The following ARHGAP9 variants were observed in gnomAD, a reference collection of about 807,000 sequenced individuals.
ARHGAP9 encodes the protein rho GTPase-activating protein 9.
ARHGAP9 carries 76 observed loss-of-function variants against 87.3 expected under a neutral mutation model. The observed-to-expected ratio is 0.87, with a 90% CI of 0.72 to 1.05. The LOEUF (loss-of-function observed/expected upper bound fraction) is 1.05, where lower values mean the gene tolerates loss of function less well. Among genes scored for constraint, ARHGAP9 ranks in the 50% least tolerant of loss-of-function variants. The probability of loss-of-function intolerance (pLI) is 0.00; values close to 1 mark genes in which losing one functional copy is unlikely to be tolerated. For synonymous variants in ARHGAP9, 382 were observed against 394.9 expected (o/e 0.97, Z 0.39); for missense variants, 941 against 960.5 (o/e 0.98, Z 0.27).
At chr12:57,488,448 T>C in intron 1 of ARHGAP9, 1 of 971,476 alleles carries the variant, frequency 1.0e-6, no homozygotes, top group Non-Finnish European at 1.5e-6. Flanking sequence ...GGTCCCCGCC[T>C]CACCCCAGTA....
At position 57,476,970 on chromosome 12, in the gene ARHGAP9, G is replaced by A; in HGVS notation, c.871-7C>T. 2 of 1,611,252 alleles carry A rather than the reference G, an allele frequency of 1.2e-6. No individual in the cohort carries two copies. Among genetic ancestry groups the A allele is most frequent in the Non-Finnish European group, 1.7e-6 (2 of 1,178,582 alleles). On this transcript the variant is annotated splice_region_variant and splice_polypyrimidine_tract_variant and intron_variant, in intron 5 of 17. Transcript: ENST00000393791. The stretch of plus-strand genomic sequence containing the variant: ...GGCTGAGGCTGAGTGAACCCTAGGG[G>A]AGAGGATTGGAGAAACAGGTGGGGA...
intron 15 of ARHGAP9, 90 bp downstream of exon 15, chr12:57,474,333 C>T: frequency 6.3e-7 from 1 of 1,583,008 alleles, no homozygotes; most frequent in African/African-American, 1.3e-5. Flanking sequence ...TGAGGACAAC[C>T]CTCCCAGGAA....
At position 57,476,928 on chromosome 12, in the gene ARHGAP9, A is replaced by C; in HGVS notation, c.906T>G (p.Leu302=). The C allele has an allele frequency of 6.2e-7, 1 of 1,613,834 alleles. No homozygotes were observed. Among genetic ancestry groups the C allele is most frequent in the Non-Finnish European group, 8.5e-7 (1 of 1,179,914 alleles). The change falls in exon 6 of 18, where the codon CTT becomes CTG. Residue 302 remains leucine, a synonymous_variant. Transcript: ENST00000393791. ...GAGGGGCCTGCAAGGCTGGAGGGTC[A>C]AGCTGCGAGGTGCGTTGGCTGAGGC... The part of the protein sequence containing the change: ...SLSLSQRTSQ[L]DPPALQAPRP...
At chr12:57,476,478 A>G (rs756447879) in intron 7 of ARHGAP9, 24 bp from the exon 8 acceptor site, 1 of 1,613,518 alleles carries the variant, frequency 6.2e-7, no homozygotes, top group Admixed American at 1.7e-5. Flanking sequence ...GAGGGGAGGT[A>G]GTGGTAGCGA....
intron 13 of ARHGAP9, 40 bp downstream of exon 13, chr12:57,474,835 G>C: frequency 1.9e-6 from 3 of 1,612,342 alleles, no homozygotes; most frequent in Non-Finnish European, 2.5e-6. Flanking sequence ...CTAGGCCTTA[G>C]CCTGTTGGAA....
At chr12:57,477,861 C>A in intron 3 of ARHGAP9, 181 bp from the exon 4 acceptor site, 2 of 1,426,770 alleles carry the variant, frequency 1.4e-6, no homozygotes, top group Non-Finnish European at 1.8e-6. Context: ...AAAATTCTCT[C>A]TCTCACAGTT....
At chr12:57,482,491 C>T (rs1050402555), upstream of ARHGAP9, among the ~76,000 whole-genome samples, 6 of 152,076 alleles carry the variant, frequency 3.9e-5, no homozygotes, top group East Asian at 1.9e-4. Context: ...CCACCCGCCT[C>T]GGCCTCCCAA....
In ARHGAP9 at chr12:57,474,042, C is replaced by A; in HGVS notation, c.1918G>T (p.Ala640Ser). ...TTCTTTCCAAAGCTCCAACCCTTACCAAGGGCAGCACGGAAATGGGGCAGC... is the reference window on the plus strand; with the variant it reads ...TTCTTTCCAAAGCTCCAACCCTTACAAAGGGCAGCACGGAAATGGGGCAGC... ...LLLPHFRAAL[A>S]LSESEQCLSQ... The change falls in exon 16 of 18, where the codon GCA (alanine) becomes TCA (serine). Residue 640 changes from alanine to serine, a missense_variant and splice_region_variant. Transcript: ENST00000393791. The A allele has an allele frequency of 6.2e-7, 1 of 1,613,264 alleles. No homozygotes were observed. Among genetic ancestry groups the A allele is most frequent in the Non-Finnish European group, 8.5e-7 (1 of 1,179,618 alleles).
At chr12:57,485,178 C>T (rs1193777864) in intron 1 of ARHGAP9, among the ~76,000 whole-genome samples, 1 of 151,768 alleles carries the variant, frequency 6.6e-6, no homozygotes, top group Admixed American at 6.6e-5. Flanking sequence ...AACTCCTGAC[C>T]TCAGGTGATT....
chr12:57,488,409 A>G (rs1875630335), intron 1 of ARHGAP9: 5 of 742,246 alleles, frequency 6.7e-6, no homozygotes, highest in Non-Finnish European at 8.8e-6. Flanking sequence ...CCCTTCCCTT[A>G]TCTCTCTCCT....
In ARHGAP9 at chr12:57,476,692, C is replaced by T. The variant is rs759008611; in HGVS notation, c.964-41G>A. On this transcript the variant is annotated intron_variant, in intron 6 of 17. Coordinates refer to ENST00000393791, the MANE Select transcript of ARHGAP9 (RefSeq NM_032496.4). ...AATGGGATCTGTAAGTCACCCTCGC[C>T]CTCCATAGTGGCCACGGCTTTCCCT... is the stretch of plus-strand genomic sequence containing the variant. 13 of 1,613,164 alleles carry T rather than the reference C, an allele frequency of 8.1e-6. No homozygotes were observed. The South Asian group carries it at 1.2e-4, about 15-fold the overall frequency.
At chr12:57,479,457 G>A (rs759006206) in intron 1 of ARHGAP9, 33 bp from the exon 2 acceptor site, 1 of 1,588,710 alleles carries the variant, frequency 6.3e-7, no homozygotes, top group Non-Finnish European at 8.6e-7. Flanking sequence ...AGACCCAGAA[G>A]GGAATAGGCC....
At chr12:57,482,381 C>T (rs1422816595), upstream of ARHGAP9, among the ~76,000 whole-genome samples, 1 of 152,112 alleles carries the variant, frequency 6.6e-6, no homozygotes, top group Non-Finnish European at 1.5e-5. Flanking sequence ...GCTGGGACTA[C>T]AGGTGCCCGC....
At chr12:57,483,750 A>G (rs754730884), upstream of ARHGAP9, 9 of 317,414 alleles carry the variant, frequency 2.8e-5, no homozygotes, top group Non-Finnish European at 4.5e-5. Context: ...TGCACAGGAA[A>G]GCATCTCAGC....
upstream of ARHGAP9, chr12:57,480,165 T>G: frequency 1.0e-6 from 1 of 970,588 alleles, no homozygotes; most frequent in Non-Finnish European, 1.2e-6. Context: ...GGAGCTACTT[T>G]AGTGTGTGGG....
intron 1 of ARHGAP9, among the ~76,000 whole-genome samples, chr12:57,484,888 C>T (rs1022521679): frequency 2.0e-5 from 3 of 148,196 alleles, no homozygotes; most frequent in Non-Finnish European, 3.0e-5. Flanking sequence ...TCAGGTGATC[C>T]GCCTGCCTCG....
In ARHGAP9 at chr12:57,473,706, G is replaced by C. The variant is rs1187856401; in HGVS notation, c.1921C>G (p.Leu641Val). ...LLPHFRAALA[L>V]SESEQCLSQI... ...GAGAGGCACTGCTCTGATTCGGAGAGTGCTAGAGAGAGTGATGGGAAAGGC... is the reference window on the plus strand; with the variant it reads ...GAGAGGCACTGCTCTGATTCGGAGACTGCTAGAGAGAGTGATGGGAAAGGC... Residue 641 changes from leucine (L) to valine (V), a missense_variant and splice_region_variant, in exon 17 of 18, where the codon CTC (leucine) becomes GTC (valine). Coordinates refer to ENST00000393791, the MANE Select transcript of ARHGAP9 (RefSeq NM_032496.4). The C allele has an allele frequency of 3.1e-6, 5 of 1,613,672 alleles. No individual in the cohort carries two copies. The South Asian group carries it at 5.5e-5, about 18-fold the overall frequency.
chr12:57,472,484 C>T lies in ARHGAP9; in HGVS notation c.*33G>A, dbSNP rs377363931. ...CCAGCCTCTCACCACCAGAGATGAC[C>T]GGAAATATGTTTTCTCTTCTTCCTT... On this transcript the variant is annotated 3_prime_UTR_variant, in exon 18 of 18. Coordinates refer to ENST00000393791, the MANE Select transcript of ARHGAP9 (RefSeq NM_032496.4). 58 of 1,607,414 alleles carry T rather than the reference C, an allele frequency of 3.6e-5. No homozygotes were observed. The highest frequency in any genetic ancestry group is 2.7e-4 in the African/African-American group (20 of 74,750).
At position 57,479,424 on chromosome 12, in the gene ARHGAP9, C is replaced by A; in HGVS notation, c.-18G>T. The A allele has an allele frequency of 6.2e-7, 1 of 1,604,106 alleles. No individual in the cohort carries two copies. The highest frequency in any genetic ancestry group is 8.5e-7 in the Non-Finnish European group (1 of 1,175,900). On this transcript the variant is annotated splice_region_variant and 5_prime_UTR_variant, in exon 2 of 18. Coordinates refer to ENST00000393791, the MANE Select transcript of ARHGAP9 (RefSeq NM_032496.4). ...GATAGCATTGTAGCCAGCACTGTCA[C>A]CTGTGAGAAAAAGGGACACTGGAGA...
Sources: allele counts gnomAD v4.1 joint callset (sites outside exome capture counted in the v4.1 genomes callset), GRCh38; gene constraint gnomAD v4.1.1; transcripts MANE v1.5; gene names NCBI Gene and HGNC (gene_info 2026-07-23, HGNC 2026-07-21).